NCBP2L: variants seen among roughly 807,000 people sequenced by gnomAD.
NCBP2L encodes nuclear cap binding protein subunit 2 like.
For missense variants in NCBP2L, 95 were observed against 53.1 expected, an observed-to-expected ratio of 1.79 and a Z score of -2.45; for synonymous variants, 39 against 19.2, an observed-to-expected ratio of 2.04 and a Z score of -2.70.
At chrX:107,778,169 T>C (rs1930214231) in intron 1 of NCBP2L, among the ~76,000 whole-genome samples, 1 of 112,058 alleles carries the variant, frequency 8.9e-6, no homozygotes, top group Admixed American at 9.5e-5. Context: ...TGTTAAACGT[T>C]ATAGCAAAAT....
intron 1 of NCBP2L, among the ~76,000 whole-genome samples, chrX:107,783,297 AC>A (rs1274398253): frequency 9.3e-6 from 1 of 107,582 alleles, no homozygotes; most frequent in Non-Finnish European, 1.9e-5. Flanking sequence ...AGCCTGGCCA[AC>A]AGGGTGAAAT....
intron 1 of NCBP2L, among the ~76,000 whole-genome samples, chrX:107,781,692 C>CTCTCTCTCTCTCTATATATATATA (rs1395038482): frequency 2.4e-4 from 16 of 66,909 alleles, no homozygotes; most frequent in Non-Finnish European, 3.0e-4. Context: ...CTCTCTCTCT[C>CTCTCTCTCTCTCTATATATATATA]TATATATATA....
At chrX:107,781,746 CTATATATAGATCTATAGATATCTA>C (rs1414983355) in intron 1 of NCBP2L, among the ~76,000 whole-genome samples, 8 of 41,425 alleles carry the variant, frequency 1.9e-4, no homozygotes, top group East Asian at 1.5e-3. Flanking sequence ...ATATAGATAT[CTATATATAGATCTATAGATATCTA>C]TATATATAGA....
At chrX:107,782,976 T>C (rs947373660) in intron 1 of NCBP2L, among the ~76,000 whole-genome samples, 3 of 109,141 alleles carry the variant, frequency 2.7e-5, no homozygotes, top group African/African-American at 1.0e-4. Context: ...ACAATTTCTA[T>C]ATTTAGAAAT....
intron 1 of NCBP2L, among the ~76,000 whole-genome samples, chrX:107,781,676 A>ATCTATCTATCTATCTATCTCTC (rs1380779020): frequency 3.6e-5 from 2 of 55,885 alleles, no homozygotes; most frequent in African/African-American, 2.3e-4. Flanking sequence ...CTATCTATCT[A>ATCTATCTATCTATCTATCTCTC]TCTCTCTCTC....
At chrX:107,789,619 A>C (rs995242857) in intron 1 of NCBP2L, among the ~76,000 whole-genome samples, 1 of 111,169 alleles carries the variant, frequency 9.0e-6, no homozygotes, top group Non-Finnish European at 1.9e-5. Context: ...CTAATGAACA[A>C]TGTTAAGTCT....
intron 1 of NCBP2L, among the ~76,000 whole-genome samples, chrX:107,790,601 A>T (rs1396882167): frequency 9.0e-6 from 1 of 111,177 alleles, no homozygotes; most frequent in African/African-American, 3.3e-5. Context: ...TCATGCCTTC[A>T]TACACACTGT....
chrX:107,789,174 CTTTTTT>C (rs760912732), intron 1 of NCBP2L, among the ~76,000 whole-genome samples: 1 of 67,056 alleles, frequency 1.5e-5, no homozygotes, highest in Non-Finnish European at 2.7e-5. Context: ...GTCCTAACCT[CTTTTTT>C]TTTTTTTTTT....
intron 1 of NCBP2L, among the ~76,000 whole-genome samples, chrX:107,787,177 G>A (rs908756351): frequency 6.3e-5 from 7 of 111,974 alleles, no homozygotes; most frequent in Non-Finnish European, 1.3e-4. Flanking sequence ...CAGGTGTGCT[G>A]CTCCTGCTGG....
chrX:107,793,430 A>G (rs1322636597), intron 1 of NCBP2L, among the ~76,000 whole-genome samples: 1 of 111,996 alleles, frequency 8.9e-6, no homozygotes, highest in Non-Finnish European at 1.9e-5. Flanking sequence ...TGAAAAGTGT[A>G]GCTAAAACCG....
intron 1 of NCBP2L, among the ~76,000 whole-genome samples, chrX:107,792,926 T>C (rs1930471813): frequency 8.9e-6 from 1 of 112,490 alleles, no homozygotes; most frequent in Non-Finnish European, 1.9e-5. Context: ...TATTGTATTT[T>C]CATGTTTACT....
chrX:107,789,426 A>G (rs1930424810), intron 1 of NCBP2L, among the ~76,000 whole-genome samples: 1 of 110,317 alleles, frequency 9.1e-6, no homozygotes, highest in Non-Finnish European at 1.9e-5. Flanking sequence ...CTTCGCCTCT[A>G]TCCCCAACTG....
At chrX:107,781,692 C>CTCTCTCTCTCTCTCTATATA (rs1395038482) in intron 1 of NCBP2L, among the ~76,000 whole-genome samples, 17 of 66,911 alleles carry the variant, frequency 2.5e-4, no homozygotes, top group South Asian at 6.7e-4. Flanking sequence ...CTCTCTCTCT[C>CTCTCTCTCTCTCTCTATATA]TATATATATA....
intron 1 of NCBP2L, among the ~76,000 whole-genome samples, chrX:107,782,062 A>T (rs1450855052): frequency 1.1e-5 from 1 of 90,205 alleles, no homozygotes; most frequent in Non-Finnish European, 2.1e-5. Context: ...GATGATTCTT[A>T]AAGGTAGCCA....
chrX:107,787,575 T>C (rs1304452884), intron 1 of NCBP2L, among the ~76,000 whole-genome samples: 1 of 112,027 alleles, frequency 8.9e-6, no homozygotes, highest in Non-Finnish European at 1.9e-5. Flanking sequence ...CTCATTTAAA[T>C]ACAGGTGTTA....
intron 1 of NCBP2L, among the ~76,000 whole-genome samples, chrX:107,780,347 T>C (rs991962712): frequency 9.0e-6 from 1 of 111,133 alleles, no homozygotes; most frequent in Non-Finnish European, 1.9e-5. Context: ...ACCAACCTCC[T>C]TATATATATT....
At chrX:107,785,062 AAAGG>A (rs759777428) in intron 1 of NCBP2L, among the ~76,000 whole-genome samples, 23 of 109,146 alleles carry the variant, frequency 2.1e-4, no homozygotes, top group African/African-American at 6.0e-4. Context: ...GGAAAGAAAG[AAAGG>A]AAGGAAGGAA....
rs766577346 is a variant in NCBP2L, at chrX:107,789,811, C to T, written c.-72-4338C>T. ...TTTTGTGGACTTTTCGTCTGCCACC[C>T]CTTAAATGCCAGTCTTTCCCAGGTT... On this transcript the variant is annotated intron_variant, in intron 1 of 1. Transcript: ENST00000509000. Among the ~76,000 whole-genome samples, 4 of 110,046 alleles carry T rather than the reference C, an allele frequency of 3.6e-5. No individual in the cohort carries two copies. In the East Asian group the frequency reaches 1.1e-3, roughly 32 times the overall value.
intron 1 of NCBP2L, among the ~76,000 whole-genome samples, chrX:107,783,923 A>T (rs1469587446): frequency 1.0e-5 from 1 of 98,272 alleles, no homozygotes; most frequent in African/African-American, 4.4e-5. Flanking sequence ...GTAAAGAGAC[A>T]ATCACAGTAT....
Sources: allele counts gnomAD v4.1 joint callset (sites outside exome capture counted in the v4.1 genomes callset), GRCh38; gene constraint gnomAD v4.1.1; transcripts MANE v1.5; gene names NCBI Gene and HGNC (gene_info 2026-07-23, HGNC 2026-07-21).